Variants in RBFOX1 observed in about 807,000 individuals in gnomAD.
RBFOX1 encodes RNA binding protein fox-1 homolog 1.
A neutral mutation model predicts 57.7 loss-of-function variants in RBFOX1; 8 were observed. The observed-to-expected ratio is 0.14, with a 90% CI of 0.08 to 0.25. The LOEUF is 0.25. RBFOX1 is among the 10% of genes least tolerant of loss of function. RBFOX1 has a pLI of 1.00. For missense variants in RBFOX1, 611 were observed against 548.5 expected (o/e 1.11, Z -1.14); for synonymous variants, 326 against 222.4 (o/e 1.47, Z -4.15).
chr16:5,335,764 C>A (rs1303663882), intron 1 of RBFOX1, among the ~76,000 whole-genome samples: 1 of 152,110 alleles, frequency 6.6e-6, no homozygotes, highest in African/African-American at 2.4e-5. Flanking sequence ...CTTCAGAAGC[C>A]AGCATAACCA....
chr16:6,693,117 C>T (rs562351651), intron 3 of RBFOX1, among the ~76,000 whole-genome samples: 9 of 151,346 alleles, frequency 5.9e-5, no homozygotes, highest in African/African-American at 1.7e-4. Flanking sequence ...CATCCTCCCC[C>T]ACCATCACCA....
intron 4 of RBFOX1, among the ~76,000 whole-genome samples, chr16:7,501,362 T>C (rs1047572970): frequency 7.9e-5 from 12 of 152,240 alleles, no homozygotes; most frequent in African/African-American, 2.9e-4. Flanking sequence ...GACAAAGGAA[T>C]GCATAAGACA....
At chr16:6,292,301 G>A (rs1229134837) in intron 1 of RBFOX1, among the ~76,000 whole-genome samples, 1 of 150,042 alleles carries the variant, frequency 6.7e-6, no homozygotes, top group Non-Finnish European at 1.5e-5. Context: ...TTCCAATAAA[G>A]TCCCACATCC....
intron 5 of RBFOX1, among the ~76,000 whole-genome samples, chr16:7,577,293 G>A (rs2093415165): frequency 6.6e-6 from 1 of 152,122 alleles, no homozygotes. Flanking sequence ...TTTGCACAGT[G>A]TCCTTTGATC....
chr16:7,081,106 C>G (rs2153797219), intron 4 of RBFOX1, among the ~76,000 whole-genome samples: 1 of 152,282 alleles, frequency 6.6e-6, no homozygotes, highest in Middle Eastern at 3.4e-3. Flanking sequence ...ACGATGTTGG[C>G]TCACTGCAAC....
intron 2 of RBFOX1, among the ~76,000 whole-genome samples, chr16:5,468,286 C>G (rs552807440): frequency 2.0e-4 from 31 of 152,280 alleles, no homozygotes; most frequent in Non-Finnish European, 1.5e-5. Context: ...CCTCTCTGTA[C>G]TTCCAAAACA....
At chr16:6,055,917 C>A (rs1435050910) in intron 1 of RBFOX1, among the ~76,000 whole-genome samples, 1 of 152,118 alleles carries the variant, frequency 6.6e-6, no homozygotes, top group Non-Finnish European at 1.5e-5. Flanking sequence ...TTACTAATCC[C>A]CTCTTGATGA....
chr16:5,388,063 A>T (rs1350000630), intron 1 of RBFOX1, among the ~76,000 whole-genome samples: 1 of 152,196 alleles, frequency 6.6e-6, no homozygotes, highest in African/African-American at 2.4e-5. Flanking sequence ...AAACGCCAGG[A>T]AGGAACACAA....
At chr16:6,131,404 G>A (rs1454269374) in intron 1 of RBFOX1, among the ~76,000 whole-genome samples, 1 of 151,800 alleles carries the variant, frequency 6.6e-6, no homozygotes, top group African/African-American at 2.4e-5. Flanking sequence ...AGAGACTATG[G>A]CAGAAAAAAC....
rs530788372 is a variant in RBFOX1, at chr16:6,564,521, C to T, written c.-63-90082C>T. On this transcript the variant is annotated intron_variant, in intron 2 of 15. Coordinates refer to ENST00000550418, the MANE Select transcript of RBFOX1 (RefSeq NM_018723.4). ...ACACATGGGTAAACCTGGGGGACAC[C>T]GTGCTAAGTGAGATAAGCCAGGCAC... is the stretch of plus-strand genomic sequence containing the variant. 7.6e-4 allele frequency among the ~76,000 whole-genome samples: 115 copies of T among 152,060 alleles called. 1 individual carries two copies. Among genetic ancestry groups the T allele is most frequent in the African/African-American group, 2.7e-3 (111 of 41,482 alleles).
chr16:6,408,445 G>C (rs1241287381), intron 2 of RBFOX1, among the ~76,000 whole-genome samples: 2 of 152,126 alleles, frequency 1.3e-5, no homozygotes, highest in African/African-American at 2.4e-5. Context: ...ATCAGGGCGA[G>C]TTCTGGATCT....
intron 4 of RBFOX1, among the ~76,000 whole-genome samples, chr16:7,371,104 G>C (rs1414310467): frequency 2.6e-5 from 4 of 152,274 alleles, no homozygotes; most frequent in African/African-American, 7.2e-5. Flanking sequence ...AAGCCTGTCT[G>C]ATGTTTTCAT....
intron 1 of RBFOX1, among the ~76,000 whole-genome samples, chr16:6,215,150 G>C (rs924832575): frequency 2.1e-5 from 3 of 140,278 alleles, no homozygotes; most frequent in Non-Finnish European, 3.1e-5. Flanking sequence ...AAGAAGGAGA[G>C]GGAGAGGGAC....
chr16:7,476,110 C>T (rs563296934), intron 4 of RBFOX1, among the ~76,000 whole-genome samples: 1 of 152,104 alleles, frequency 6.6e-6, no homozygotes, highest in Non-Finnish European at 1.5e-5. Flanking sequence ...GGACCACTAG[C>T]ACACATCACC....
At chr16:6,483,599 A>G in intron 2 of RBFOX1, 1 of 1,292,788 alleles carries the variant, frequency 7.7e-7, no homozygotes, top group Non-Finnish European at 1.0e-6. Context: ...AGAAAGAGGG[A>G]GAGAGGGAGG....
At chr16:6,336,148 C>G in intron 2 of RBFOX1, among the ~76,000 whole-genome samples, 1 of 54,162 alleles carries the variant, frequency 1.8e-5, no homozygotes, top group Middle Eastern at 0.019. Context: ...CATATATATA[C>G]ATATACATAT....
chr16:6,722,094 A>C (rs1479892158), intron 3 of RBFOX1: 4 of 152,320 alleles, frequency 2.6e-5, no homozygotes, highest in Admixed American at 2.0e-4. Flanking sequence ...TATTATGAAT[A>C]ATACTGGTAT....
intron 2 of RBFOX1, among the ~76,000 whole-genome samples, chr16:6,609,907 C>T (rs2098016451): frequency 6.6e-6 from 1 of 152,036 alleles, no homozygotes; most frequent in East Asian, 1.9e-4. Flanking sequence ...ACTTGGGAGG[C>T]TGAGGCACGA....
At chr16:6,587,942 G>A (rs1968168) in intron 2 of RBFOX1, among the ~76,000 whole-genome samples, 149,950 of 152,324 alleles carry the variant, frequency 0.98, 73,860 homozygotes, top group East Asian at 1. Flanking sequence ...AAAACAAGGC[G>A]GTTTTTGCCT....
Sources: allele counts gnomAD v4.1 joint callset (sites outside exome capture counted in the v4.1 genomes callset), GRCh38; gene constraint gnomAD v4.1.1; transcripts MANE v1.5; gene names NCBI Gene and HGNC (gene_info 2026-07-23, HGNC 2026-07-21).